PCDHA4: variants seen among roughly 807,000 people sequenced by gnomAD.
PCDHA4 encodes protocadherin alpha 4.
Under a neutral mutation model 61.4 loss-of-function variants are expected in PCDHA4, and 49 were observed. The ratio of observed to expected loss-of-function variants is 0.80; its 90% confidence interval spans 0.63 to 1.01. The LOEUF (loss-of-function observed/expected upper bound fraction) is 1.01. Ranked by LOEUF, PCDHA4 falls within the 50% of genes least tolerant of loss-of-function variation. The pLI, the probability that PCDHA4 is intolerant of heterozygous loss-of-function variation, is 0.00. For missense variants in PCDHA4, 1,254 were observed against 1,235.8 expected, an observed-to-expected ratio of 1.01 and a Z score of -0.22; for synonymous variants, 590 against 550.3, an observed-to-expected ratio of 1.07 and a Z score of -1.01.
At chr5:140,877,316 C>T in intron 1 of PCDHA4, 1 of 1,613,948 alleles carries the variant, frequency 6.2e-7, no homozygotes. Flanking sequence ...CAACCGGCGG[C>T]GGTCGGCGCG....
intron 1 of PCDHA4, chr5:140,968,548 G>T: frequency 6.2e-7 from 1 of 1,614,174 alleles, no homozygotes; most frequent in Non-Finnish European, 8.5e-7. Context: ...TCGAGATGGT[G>T]CCTCGAACTG....
chr5:141,008,838 G>A (rs555239899), intron 3 of PCDHA4, among the ~76,000 whole-genome samples: 2 of 152,192 alleles, frequency 1.3e-5, no homozygotes, highest in South Asian at 2.1e-4. Context: ...ATCCTCTTAC[G>A]CTGTGTATTC....
Position 140,850,103 on chromosome 5 carries a change from C to T in PCDHA4, c.2385+40531C>T, listed in dbSNP as rs2150467019. 4 of 1,596,104 alleles carry T rather than the reference C, an allele frequency of 2.5e-6. 1 individual carries two copies. Among genetic ancestry groups the T allele is most frequent in the African/African-American group, 1.3e-5 (1 of 74,456 alleles). On this transcript the variant is annotated intron_variant, in intron 1 of 3. Coordinates refer to ENST00000530339, the MANE Select transcript of PCDHA4 (RefSeq NM_018907.4). ...TGGAGCTGCTACAGTTCCAGGTGAGCGCGCGCGACGCGGGCGTGCCGCCTC... is the reference window on the plus strand; with the variant it reads ...TGGAGCTGCTACAGTTCCAGGTGAGTGCGCGCGACGCGGGCGTGCCGCCTC...
intron 1 of PCDHA4, among the ~76,000 whole-genome samples, chr5:140,957,285 G>A (rs1036077483): frequency 2.0e-5 from 3 of 152,144 alleles, no homozygotes; most frequent in Non-Finnish European, 4.4e-5. Context: ...CTTACCTGCA[G>A]TTTCACTCTG....
rs782754440 is a variant in PCDHA4, at chr5:140,869,396, A to G, written c.2385+59824A>G. 3.2e-5 allele frequency: 51 copies of G among 1,614,230 alleles called. No homozygotes were observed. The highest frequency in any genetic ancestry group is 1.6e-4 in the Middle Eastern group (1 of 6,062). On this transcript the variant is annotated intron_variant, in intron 1 of 3. Transcript: ENST00000530339. ...ATCGACCGCGAGGAGCTGTGCGGGC[A>G]GAGCGCGGAGTGCAGCATCCACCTG...
chr5:140,982,094 G>T (rs2096965818), intron 2 of PCDHA4, among the ~76,000 whole-genome samples: 1 of 152,230 alleles, frequency 6.6e-6, no homozygotes, highest in Admixed American at 6.5e-5. Context: ...AGGAACAAGA[G>T]AACCTGCAAG....
At chr5:140,827,880 A>G in intron 1 of PCDHA4, 1 of 665,040 alleles carries the variant, frequency 1.5e-6, no homozygotes, top group Non-Finnish European at 2.6e-6. Context: ...TGTTACGTGA[A>G]TTGATTTCTT....
At chr5:140,919,217 G>T (rs1427737864) in intron 1 of PCDHA4, among the ~76,000 whole-genome samples, 1 of 152,090 alleles carries the variant, frequency 6.6e-6, no homozygotes, top group Non-Finnish European at 1.5e-5. Context: ...TGTCCTTCTT[G>T]ATTTCTAGTA....
intron 1 of PCDHA4, chr5:140,927,033 G>A (rs2083768533): frequency 1.2e-6 from 2 of 1,612,344 alleles, no homozygotes; most frequent in Non-Finnish European, 1.7e-6. Flanking sequence ...GGCTGCCAGC[G>A]GCCGCTATGT....
intron 1 of PCDHA4, chr5:140,866,786 T>C (rs368538353): frequency 6.6e-6 from 1 of 152,286 alleles, no homozygotes; most frequent in African/African-American, 2.4e-5. Context: ...TCCTGACTGA[T>C]ATAGTAAAAG....
intron 1 of PCDHA4, among the ~76,000 whole-genome samples, chr5:140,953,847 A>G (rs1165540937): frequency 6.6e-6 from 1 of 152,200 alleles, no homozygotes. Flanking sequence ...CCAGGTAAAC[A>G]TGTGCCATGG....
At chr5:140,830,144 GGCGC>G (rs1770849922) in intron 1 of PCDHA4, 1 of 1,613,236 alleles carries the variant, frequency 6.2e-7, no homozygotes, top group East Asian at 2.2e-5. Context: ...GGCGTCGGTG[GGCGC>G]CGCGGGCCCA....
chr5:140,988,528 T>C (rs1391489747), intron 3 of PCDHA4, among the ~76,000 whole-genome samples: 1 of 152,194 alleles, frequency 6.6e-6, no homozygotes, highest in African/African-American at 2.4e-5. Flanking sequence ...CTCTGCTGGC[T>C]CCATCCATTC....
chr5:140,840,040 A>T (rs1247550432), intron 1 of PCDHA4, among the ~76,000 whole-genome samples: 1 of 152,076 alleles, frequency 6.6e-6, no homozygotes, highest in Admixed American at 6.6e-5. Context: ...TATCTCCCAG[A>T]TGGAAGTCTA....
At chr5:140,960,179 G>A (rs1379423809) in intron 1 of PCDHA4, among the ~76,000 whole-genome samples, 1 of 152,106 alleles carries the variant, frequency 6.6e-6, no homozygotes, top group Non-Finnish European at 1.5e-5. Flanking sequence ...TAAGTTAGGG[G>A]TTGCATGTGT....
At chr5:140,968,278 G>A in intron 1 of PCDHA4, 1 of 1,614,014 alleles carries the variant, frequency 6.2e-7, no homozygotes, top group Non-Finnish European at 8.5e-7. Context: ...ATGCAGAGGT[G>A]ACCTACTCCC....
intron 1 of PCDHA4, chr5:140,858,416 G>A (rs1301119075): frequency 6.4e-7 from 1 of 1,560,804 alleles, no homozygotes; most frequent in African/African-American, 1.4e-5. Context: ...TCAGTCTATT[G>A]GAGGGGACCA....
chr5:140,917,999 A>T (rs1292582356), intron 1 of PCDHA4, among the ~76,000 whole-genome samples: 2 of 152,162 alleles, frequency 1.3e-5, no homozygotes, highest in African/African-American at 4.8e-5. Context: ...GGTTATCTTA[A>T]CAATGTTGTT....
At chr5:140,843,820 T>A in intron 1 of PCDHA4, 1 of 1,210,794 alleles carries the variant, frequency 8.3e-7, no homozygotes, top group South Asian at 1.5e-5. Flanking sequence ...TAGTGAAAAT[T>A]TAAACATTGT....
Sources: allele counts gnomAD v4.1 joint callset (sites outside exome capture counted in the v4.1 genomes callset), GRCh38; gene constraint gnomAD v4.1.1; transcripts MANE v1.5; gene names NCBI Gene and HGNC (gene_info 2026-07-23, HGNC 2026-07-21).